Variants in CDC25B observed in about 807,000 individuals in gnomAD.
CDC25B encodes M-phase inducer phosphatase 2.
In CDC25B, 33 loss-of-function variants were observed where a neutral mutation model predicts 69.8. The observed-to-expected ratio is 0.47, with a 90% confidence interval of 0.36 to 0.63. The LOEUF is 0.63. Ranked by LOEUF, CDC25B falls within the 30% of genes least tolerant of loss-of-function variation. CDC25B has a pLI of 0.00. For missense variants in CDC25B, 727 were observed against 809.1 expected, an observed-to-expected ratio of 0.90 and a Z score of 1.23; for synonymous variants, 341 against 314.6, an observed-to-expected ratio of 1.08 and a Z score of -0.89.
At chr20:3,790,225 G>A (rs557133269) in intron 1 of CDC25B, among the ~76,000 whole-genome samples, 86 of 151,640 alleles carry the variant, frequency 5.7e-4, no homozygotes, top group Admixed American at 1.2e-3. Flanking sequence ...CCGAGATTAC[G>A]GCACTGTACT....
chr20:3,802,038 G>T lies in CDC25B; in HGVS notation c.1036G>T (p.Val346Leu). The T allele has an allele frequency of 6.3e-7, 1 of 1,580,800 alleles. No individual in the cohort carries two copies. The change falls in exon 10 of 16, where the codon GTG (valine) becomes TTG (leucine). Residue 346 changes from valine (V) to leucine (L), a missense_variant. Around this residue, in one of 2 missense-constraint regions of CDC25B, gnomAD observed 359 missense variants for 463.4 expected, o/e 0.77. Coordinates refer to ENST00000245960, the MANE Select transcript of CDC25B (RefSeq NM_021873.4). ...GCGGCCCCAGGACAGGGACACGCCC[G>T]TGCAGAATAAGCGGAGGCGGAGCGT... is the stretch of plus-strand genomic sequence containing the variant. ...LERPQDRDTP[V>L]QNKRRRSVTP...
chr20:3,803,480 A>G lies in CDC25B; in HGVS notation c.1433A>G (p.Asp478Gly). The change falls in exon 14 of 16, where the codon GAC becomes GGC. Residue 478 changes from aspartate (D) to glycine (G), a missense_variant. Transcript: ENST00000245960. The surrounding 1 kb of genome is among the most constrained non-coding windows in gnomAD (Gnocchi z 4.9). ...AGCCCCATCGCGCCCTGTAGCCTGG[A>G]CAAGAGAGTCATCCTCATTTTCCAC... is the stretch of plus-strand genomic sequence containing the variant. ...LKSPIAPCSLDKRVILIFHCE... is the reference protein window; with the variant it reads ...LKSPIAPCSLGKRVILIFHCE... The G allele has an allele frequency of 6.2e-7, 1 of 1,613,800 alleles. No homozygotes were observed.
Position 3,804,474 on chromosome 20 carries a change from A to G in CDC25B, c.1491-95A>G, listed in dbSNP as rs2089402873. 5.3e-6 allele frequency: 4 copies of G among 761,604 alleles called. No individual in the cohort carries two copies. The East Asian group carries it at 9.8e-5, about 19-fold the overall frequency. 47.2% of individuals were successfully genotyped at this position (761,604 alleles called of 1,614,324 possible). On this transcript the variant is annotated intron_variant, in intron 14 of 15. Transcript: ENST00000245960. ...GCTCTAAAGCTTTCTGTGGCTCCCCAAGGCCCTCAAAGGAGGGGACGTGGG... is the reference window on the plus strand; with the variant it reads ...GCTCTAAAGCTTTCTGTGGCTCCCCGAGGCCCTCAAAGGAGGGGACGTGGG...
At chr20:3,793,548 GT>G (rs200570744), upstream of CDC25B, among the ~76,000 whole-genome samples, 801 of 126,406 alleles carry the variant, frequency 6.3e-3, 6 homozygotes, top group African/African-American at 0.019. Flanking sequence ...TGGGATTTCT[GT>G]TTTTTTTTTT....
intron 1 of CDC25B, among the ~76,000 whole-genome samples, chr20:3,791,072 T>C (rs2088907476): frequency 6.6e-6 from 1 of 152,182 alleles, no homozygotes; most frequent in Non-Finnish European, 1.5e-5. Context: ...CTTTCAATAA[T>C]GAGCCCCTAC....
chr20:3,790,710 T>C (rs1044606889), intron 1 of CDC25B, among the ~76,000 whole-genome samples: 3 of 152,068 alleles, frequency 2.0e-5, no homozygotes, highest in Non-Finnish European at 4.4e-5. Flanking sequence ...GCTAGGATTA[T>C]AGGCGCCAAC....
chr20:3,804,969 G>T lies in CDC25B; in HGVS notation c.*8G>T. Reference sequence around the variant, plus strand: ...CGGCTGCAGGACCAGTGAGGGGCCTGCGCCAGTCCTGCTACCTCCCTTGCC... The same window carrying T: ...CGGCTGCAGGACCAGTGAGGGGCCTTCGCCAGTCCTGCTACCTCCCTTGCC... On this transcript the variant is annotated 3_prime_UTR_variant, in exon 16 of 16. Transcript: ENST00000245960. 6.2e-7 allele frequency: 1 copy of T among 1,610,254 alleles called. No homozygotes were observed. The highest frequency in any genetic ancestry group is 1.1e-5 in the South Asian group (1 of 91,028).
At chr20:3,797,959 G>C (rs1283653335) in intron 2 of CDC25B, among the ~76,000 whole-genome samples, 1 of 152,216 alleles carries the variant, frequency 6.6e-6, no homozygotes, top group Non-Finnish European at 1.5e-5. Context: ...CTGAGTGGAT[G>C]AGAGGGTGGG....
intron 3 of CDC25B, among the ~76,000 whole-genome samples, chr20:3,799,529 C>T (rs907601099): frequency 2.3e-4 from 29 of 126,864 alleles, no homozygotes; most frequent in Admixed American, 1.1e-3. Context: ...TGTGTGTGCG[C>T]GCGCGCGCGT....
chr20:3,788,560 C>T (rs2146645964), intron 1 of CDC25B, among the ~76,000 whole-genome samples: 1 of 152,276 alleles, frequency 6.6e-6, no homozygotes, highest in South Asian at 2.1e-4. Context: ...TTCCCTATCC[C>T]TGAGATATAA....
At chr20:3,796,089 G>T, upstream of CDC25B, 1 of 1,011,970 alleles carries the variant, frequency 9.9e-7, no homozygotes. Context: ...GATTTTGGGA[G>T]GCCGGGATCC....
rs1050675523 is a variant in CDC25B at position 3,805,115 on chromosome 20, T to G, written c.*154T>G. On this transcript the variant is annotated 3_prime_UTR_variant, in exon 16 of 16. Coordinates refer to ENST00000245960, the MANE Select transcript of CDC25B (RefSeq NM_021873.4). The stretch of plus-strand genomic sequence containing the variant: ...CCTGCCTGTCTGCCCCAGCCCAGAT[T>G]CCCCTGTGTCATCCCATCATTTTCC... 3 of 727,658 alleles carry G rather than the reference T, an allele frequency of 4.1e-6. No homozygotes were observed. The Admixed American group carries it at 8.8e-5, about 21-fold the overall frequency. The allele number at this position is 727,658 out of a possible 1,614,324, so 45.1% of individuals were successfully genotyped here. A position where few individuals can be genotyped will look rare whatever the true frequency, so the allele number is the denominator to read the frequency against.
Position 3,805,452 on chromosome 20 carries a change from A to T in CDC25B, c.*491A>T, listed in dbSNP as rs928535791. On this transcript the variant is annotated 3_prime_UTR_variant, in exon 16 of 16. Transcript: ENST00000245960. ...CTGTAGGAACCGTGGTATGTCTGCC[A>T]TGTTGCCCCTTTCTCTTTTCCCCTT... 2 of 261,216 alleles carry T rather than the reference A, an allele frequency of 7.7e-6. No individual in the cohort carries two copies. Among genetic ancestry groups the T allele is most frequent in the Non-Finnish European group, 1.4e-5 (2 of 138,482 alleles). 16.2% of individuals were successfully genotyped at this position (261,216 alleles called of 1,614,324 possible). A position where few individuals can be genotyped will look rare whatever the true frequency, so the allele number is the denominator to read the frequency against.
Position 3,803,211 on chromosome 20 carries a change from G to A in CDC25B, c.1356+5G>A, listed in dbSNP as rs773884714. ...TATGAAGGCGGGCACATCAAGGTAA[G>A]ATGGGGCAATGGGGAGAGGCCCTGA... On this transcript the variant is annotated splice_donor_5th_base_variant and intron_variant, in intron 13 of 15. Transcript: ENST00000245960. The surrounding 1 kb of genome is among the most constrained non-coding windows in gnomAD (Gnocchi z 4.9). 3.7e-6 allele frequency: 6 copies of A among 1,608,724 alleles called. No individual in the cohort carries two copies. In the East Asian group the frequency reaches 1.3e-4, roughly 36 times the overall value.
At chr20:3,795,004 G>T (rs1458668791), upstream of CDC25B, among the ~76,000 whole-genome samples, 2 of 152,202 alleles carry the variant, frequency 1.3e-5, no homozygotes, top group Non-Finnish European at 2.9e-5. Flanking sequence ...GCTTTTGGGT[G>T]CAGCCTTCAG....
At position 3,803,927 on chromosome 20, in the gene CDC25B, T is replaced by A. The variant is rs2089382721; in HGVS notation, c.1490+390T>A. ...GGCATCCACAGCACCTGGGCCTCCC[T>A]GGCTGAGCTCCTTCTGTCGCTATTC... On this transcript the variant is annotated intron_variant, in intron 14 of 15. Coordinates refer to ENST00000245960, the MANE Select transcript of CDC25B (RefSeq NM_021873.4). The surrounding 1 kb of genome is among the most constrained non-coding windows in gnomAD (Gnocchi z 4.9). Among the ~76,000 whole-genome samples, 1 of 152,208 alleles carries A rather than the reference T, an allele frequency of 6.6e-6. No homozygotes were observed. The highest frequency in any genetic ancestry group is 2.4e-5 in the African/African-American group (1 of 41,440).
intron 3 of CDC25B, among the ~76,000 whole-genome samples, 159 bp from the exon 4 acceptor site, chr20:3,800,129 C>T (rs970815122): frequency 6.6e-6 from 1 of 152,134 alleles, no homozygotes; most frequent in African/African-American, 2.4e-5. Context: ...ATACCTGGGC[C>T]CCCTGATGGT....
upstream of CDC25B, chr20:3,795,772 G>A (rs1277194034): frequency 4.1e-6 from 4 of 985,302 alleles, no homozygotes; most frequent in Non-Finnish European, 3.6e-6. Flanking sequence ...TCGCGGAGGC[G>A]GGGAGGCTGC....
In CDC25B at chr20:3,801,263, C is replaced by A. The variant is rs1238243216; in HGVS notation, c.715C>A (p.Pro239Thr). Reference protein sequence around the residue: ...SSAPDLMCLSPDRKMEVEELS... With the variant: ...SSAPDLMCLSTDRKMEVEELS... ...TCTGTCATGTGGACAGTGTCTCAGT[C>A]CTGACCGGAAGATGGAAGTGGAGGA... Residue 239 changes from proline (P) to threonine (T), a missense_variant, in exon 8 of 16, where the codon CCT becomes ACT. By Grantham distance (38) the Pro-to-Thr change is conservative (BLOSUM62 -1). Around this residue, in one of 2 missense-constraint regions of CDC25B, gnomAD observed 368 missense variants for 345.6 expected, o/e 1.06. Coordinates refer to ENST00000245960, the MANE Select transcript of CDC25B (RefSeq NM_021873.4). 8 of 1,613,870 alleles carry A rather than the reference C, an allele frequency of 5.0e-6. No individual in the cohort carries two copies. The highest frequency in any genetic ancestry group is 2.2e-5 in the South Asian group (2 of 91,010).
Sources: gnomAD v4.1 joint callset for allele counts (sites outside exome capture counted in the v4.1 genomes callset) on GRCh38, gnomAD v4.1.1 for gene constraint, gnomAD v4.1.1 regional missense constraint, Gnocchi (gnomAD v3.1) non-coding constraint, MANE v1.5 for transcripts, NCBI Gene and HGNC (gene_info 2026-07-23, HGNC 2026-07-21) for gene names.